The following FBN1 variants were observed in gnomAD, a reference collection of about 807,000 sequenced individuals.
FBN1 encodes the protein fibrillin 1, also known as fibrillin-1.
In FBN1, 29 loss-of-function variants were observed where a neutral mutation model predicts 365.1. That is an observed-to-expected ratio of 0.08 (90% CI 0.06 to 0.11). The LOEUF (loss-of-function observed/expected upper bound fraction) is 0.11. FBN1 is among the 10% of genes least tolerant of loss of function. The pLI is 1.00. For synonymous variants in FBN1, 1,210 were observed against 1,270.5 expected, an observed-to-expected ratio of 0.95 and a Z score of 1.01; for missense variants, 2,476 against 3,703.2, an observed-to-expected ratio of 0.67 and a Z score of 8.60.
intron 15 of FBN1, 89 bp from the exon 16 acceptor site, chr15:48,505,236 T>C: frequency 2.6e-6 from 4 of 1,517,000 alleles, no homozygotes; most frequent in Non-Finnish European, 2.7e-6. Context: ...CCCTTGAAAA[T>C]GGGGAAGATA....
chr15:48,621,100 A>G (rs1009420284), intron 2 of FBN1, among the ~76,000 whole-genome samples: 1 of 152,260 alleles, frequency 6.6e-6, no homozygotes, highest in African/African-American at 2.4e-5. Flanking sequence ...ATAAGTCCAT[A>G]CTGATAAATA....
At chr15:48,452,240 T>C (rs921554999) in intron 45 of FBN1, among the ~76,000 whole-genome samples, 2 of 152,198 alleles carry the variant, frequency 1.3e-5, no homozygotes, top group African/African-American at 4.8e-5. Flanking sequence ...AATGTGTGTA[T>C]GCATAATTGT....
Position 48,538,873 on chromosome 15 carries a change from T to A in FBN1, c.539-1065A>T, listed in dbSNP as rs138491328. On this transcript the variant is annotated intron_variant, in intron 6 of 65. Transcript: ENST00000316623. The stretch of plus-strand genomic sequence containing the variant: ...AAATGGACTCAATGACCCCAGTAAG[T>A]TCCTTTCACCTGTGAACGCAACAGT... 4.6e-5 allele frequency among the ~76,000 whole-genome samples: 7 copies of A among 152,284 alleles called. No individual in the cohort carries two copies. In the East Asian group the frequency reaches 1.4e-3, roughly 29 times the overall value.
chr15:48,460,425 A>G (rs143286049), intron 42 of FBN1, 108 bp from the exon 43 acceptor site: 7 of 726,054 alleles, frequency 9.6e-6, no homozygotes, highest in Admixed American at 4.4e-5. Flanking sequence ...ATTTGTCTGT[A>G]GTTTGAAGAA....
chr15:48,441,541 T>A (rs950743159), intron 50 of FBN1, among the ~76,000 whole-genome samples, 180 bp downstream of exon 50: 39 of 152,126 alleles, frequency 2.6e-4, no homozygotes, highest in African/African-American at 8.0e-4. Context: ...GATGGATGAG[T>A]TTTTAACCTT....
Position 48,474,308 on chromosome 15 carries a change from G to A in FBN1, c.4157C>T (p.Ser1386Phe), listed in dbSNP as rs794728219. The A allele has an allele frequency of 5.0e-6, 8 of 1,614,096 alleles. No individual in the cohort carries two copies. Among genetic ancestry groups the A allele is most frequent in the Non-Finnish European group, 6.8e-6 (8 of 1,179,994 alleles). ...TCCTTCCTTGCACAGACAGCGGTAA[G>A]ATCCCATGGTATTCTTGCAGTCTGC... is the stretch of plus-strand genomic sequence containing the variant. ...QHADCKNTMGSYRCLCKEGYT... is the reference protein window; with the variant it reads ...QHADCKNTMGFYRCLCKEGYT... The change falls in exon 34 of 66, where the codon TCT (serine) becomes TTT (phenylalanine). Residue 1386 changes from serine (S) to phenylalanine (F), a missense_variant. Transcript: ENST00000316623.
At chr15:48,565,143 A>G (rs895371315) in intron 6 of FBN1, among the ~76,000 whole-genome samples, 3 of 152,168 alleles carry the variant, frequency 2.0e-5, no homozygotes, top group African/African-American at 7.2e-5. Context: ...GCTTAAGGGA[A>G]ACAGCTGTCT....
intron 2 of FBN1, among the ~76,000 whole-genome samples, chr15:48,622,604 C>T (rs1012211848): frequency 3.3e-5 from 5 of 152,140 alleles, no homozygotes; most frequent in African/African-American, 1.2e-4. Context: ...GGGTAAGTAT[C>T]TTTTCATATT....
At chr15:48,530,235 CCTG>C (rs2043958280) in intron 8 of FBN1, among the ~76,000 whole-genome samples, 1 of 139,726 alleles carries the variant, frequency 7.2e-6, no homozygotes, top group Non-Finnish European at 1.6e-5. Context: ...GCATCCGCCG[CCTG>C]ATCACAACTT....
At chr15:48,622,394 T>G (rs909260961) in intron 2 of FBN1, among the ~76,000 whole-genome samples, 1 of 152,176 alleles carries the variant, frequency 6.6e-6, no homozygotes, top group South Asian at 2.1e-4. Flanking sequence ...AGAAGAGGAC[T>G]ATCTGAGCTA....
intron 8 of FBN1, among the ~76,000 whole-genome samples, chr15:48,530,839 G>C (rs942519591): frequency 6.6e-6 from 1 of 152,204 alleles, no homozygotes; most frequent in Non-Finnish European, 1.5e-5. Context: ...AAAAGGTCCT[G>C]TGCATCATGC....
rs764384543 is a variant in FBN1, at chr15:48,472,684, C to G, written c.4211-8G>C. On this transcript the variant is annotated splice_polypyrimidine_tract_variant and splice_region_variant and intron_variant, in intron 34 of 65. Coordinates refer to ENST00000316623, the MANE Select transcript of FBN1 (RefSeq NM_000138.5). ...CAGAGCACTCATCAAGGTCTACAGCCAGAAAGAAACACACGTTACTCTTCC... is the reference window on the plus strand; with the variant it reads ...CAGAGCACTCATCAAGGTCTACAGCGAGAAAGAAACACACGTTACTCTTCC... 1.2e-6 allele frequency: 2 copies of G among 1,614,100 alleles called. No individual in the cohort carries two copies. Among genetic ancestry groups the G allele is most frequent in the Non-Finnish European group, 8.5e-7 (1 of 1,180,002 alleles).
At chr15:48,472,718 G>C in intron 34 of FBN1, 42 bp from the exon 35 acceptor site, 1 of 1,613,932 alleles carries the variant, frequency 6.2e-7, no homozygotes, top group South Asian at 1.1e-5. Context: ...CCTCGGTTAG[G>C]GGCTTTCTAA....
rs1239988676 is a variant in FBN1, at chr15:48,510,092, C to A, written c.1666G>T (p.Val556Leu). 1 of 1,613,270 alleles carries A rather than the reference C, an allele frequency of 6.2e-7. No homozygotes were observed. Among genetic ancestry groups the A allele is most frequent in the African/African-American group, 1.3e-5 (1 of 74,846 alleles). Residue 556 changes from valine to leucine, a missense_variant, in exon 14 of 66, where the codon GTG becomes TTG. Transcript: ENST00000316623. ...CINTDGSFHCVCNAGFHVTRD... is the reference protein window; with the variant it reads ...CINTDGSFHCLCNAGFHVTRD... Reference sequence around the variant, plus strand: ...GTAACATGAAAGCCCGCATTACACACGCAATGAAAACTGCCATCTGTGTTG... The same window carrying A: ...GTAACATGAAAGCCCGCATTACACAAGCAATGAAAACTGCCATCTGTGTTG...
At chr15:48,490,123 C>A (rs771311395) in intron 24 of FBN1, 45 bp from the exon 25 acceptor site, 28 of 1,532,422 alleles carry the variant, frequency 1.8e-5, no homozygotes, top group Non-Finnish European at 2.3e-5. Context: ...CACACGGCTT[C>A]CACTGCCCCA....
At chr15:48,636,292 T>C (rs891465430) in intron 2 of FBN1, among the ~76,000 whole-genome samples, 5 of 152,092 alleles carry the variant, frequency 3.3e-5, no homozygotes, top group African/African-American at 7.2e-5. Context: ...AGGCCACGTA[T>C]AGAAAGGGGA....
rs2042988262 is a variant in FBN1 at position 48,427,663 on chromosome 15, C to T, written c.7108G>A (p.Gly2370Ser). 1.2e-6 allele frequency: 2 copies of T among 1,614,048 alleles called. No individual in the cohort carries two copies. The highest frequency in any genetic ancestry group is 2.2e-5 in the South Asian group (2 of 91,082). Residue 2370 changes from glycine to serine, a missense_variant, in exon 58 of 66, where the codon GGC (glycine) becomes AGC (serine). Gly to Ser is a moderately conservative substitution (Grantham distance 56). Coordinates refer to ENST00000316623, the MANE Select transcript of FBN1 (RefSeq NM_000138.5). ...KSECCCDGGR[G>S]WGPHCEICPF... ...CAGATCTCACAGTGGGGACCCCAGC[C>T]TCTCCCTCCGTCACAGCAGCATTCC...
chr15:48,590,664 T>C (rs1008024687), intron 6 of FBN1, among the ~76,000 whole-genome samples: 1 of 152,226 alleles, frequency 6.6e-6, no homozygotes, highest in Non-Finnish European at 1.5e-5. Context: ...TACAAAAACC[T>C]TTTCAGCTTC....
At chr15:48,540,486 C>T (rs1357586482) in intron 6 of FBN1, among the ~76,000 whole-genome samples, 1 of 152,038 alleles carries the variant, frequency 6.6e-6, no homozygotes, top group Non-Finnish European at 1.5e-5. Flanking sequence ...ATTTTAATTG[C>T]TGCATAATTT....
Sources: gnomAD v4.1 joint callset for allele counts (sites outside exome capture counted in the v4.1 genomes callset) on GRCh38, gnomAD v4.1.1 for gene constraint, MANE v1.5 for transcripts, NCBI Gene and HGNC (gene_info 2026-07-23, HGNC 2026-07-21) for gene names.